The following FOXN1 variants were observed in gnomAD, a reference collection of about 807,000 sequenced individuals.
FOXN1 encodes the protein forkhead box protein N1.
Under a neutral mutation model 49.0 loss-of-function variants are expected in FOXN1, and 15 were observed. The ratio of observed to expected loss-of-function variants is 0.31; its 90% CI spans 0.20 to 0.47. The LOEUF (loss-of-function observed/expected upper bound fraction) is 0.47, where lower values mean the gene tolerates loss of function less well. Ranked by LOEUF, FOXN1 falls within the 20% of genes least tolerant of loss-of-function variation. The pLI, the probability that FOXN1 is intolerant of heterozygous loss-of-function variation, is 1.00. For synonymous variants in FOXN1, 356 were observed against 369.0 expected (o/e 0.96, Z 0.40); for missense variants, 800 against 842.8 (o/e 0.95, Z 0.63).
At chr17:28,507,707 G>A (rs1555606329) in intron 1 of FOXN1, among the ~76,000 whole-genome samples, 2 of 152,202 alleles carry the variant, frequency 1.3e-5, no homozygotes, top group Non-Finnish European at 2.9e-5. Flanking sequence ...CCTCGGATCC[G>A]AGGGCGGCGT....
At position 28,523,792 on chromosome 17, in the gene FOXN1, T is replaced by TTCTC. The variant is rs10527420; in HGVS notation, c.-14-127_-14-124dup. On this transcript the variant is annotated intron_variant, in intron 1 of 8. Transcript: ENST00000579795. ...TCTCTTTCTCTCTCTCGCTCTCTGG[T>TTCTC]TCTCTCTCTCTCTCTCTCTCTCTCT... 11,061 of 642,398 alleles carry TTCTC rather than the reference T, an allele frequency of 0.017. 63 individuals carry two copies. The highest frequency in any genetic ancestry group is 0.059 in the Admixed American group (2,422 of 41,366). The allele number at this position is 642,398 out of a possible 1,614,324, so 39.8% of individuals were successfully genotyped here. A position where few individuals can be genotyped will look rare whatever the true frequency, so the allele number is the denominator to read the frequency against.
At chr17:28,516,795 TCTCCACAGGGTACACAC>T (rs2069515666) in intron 1 of FOXN1, among the ~76,000 whole-genome samples, 2 of 23,322 alleles carry the variant, frequency 8.6e-5, no homozygotes, top group South Asian at 3.7e-3. Flanking sequence ...AGGGTACACA[TCTCCACAGGGTACACAC>T]CTCCACAGGA....
chr17:28,510,342 A>G (rs1161321122), intron 1 of FOXN1, among the ~76,000 whole-genome samples: 2 of 151,890 alleles, frequency 1.3e-5, no homozygotes, highest in Non-Finnish European at 2.9e-5. Flanking sequence ...ATACATGCAC[A>G]CACGCATACA....
intron 1 of FOXN1, among the ~76,000 whole-genome samples, chr17:28,523,541 C>T (rs2069685280): frequency 6.6e-6 from 1 of 152,184 alleles, no homozygotes; most frequent in African/African-American, 2.4e-5. Context: ...GAATGGAGAC[C>T]ACCTGCTGTG....
intron 1 of FOXN1, among the ~76,000 whole-genome samples, chr17:28,512,162 G>T (rs1249170716): frequency 6.6e-6 from 1 of 152,172 alleles, no homozygotes; most frequent in East Asian, 1.9e-4. Flanking sequence ...GTTGAGGAGG[G>T]ATGAAGGCAA....
chr17:28,508,437 C>G (rs1458895342), intron 1 of FOXN1, among the ~76,000 whole-genome samples: 1 of 152,234 alleles, frequency 6.6e-6, no homozygotes, highest in East Asian at 1.9e-4. Flanking sequence ...GAAAGCCTTC[C>G]TTTCCCCCCA....
chr17:28,510,237 C>G (rs1299231082), intron 1 of FOXN1, among the ~76,000 whole-genome samples: 1 of 152,150 alleles, frequency 6.6e-6, no homozygotes, highest in Non-Finnish European at 1.5e-5. Context: ...CAGGGCTCCC[C>G]CCACTGCCTC....
intron 1 of FOXN1, among the ~76,000 whole-genome samples, chr17:28,512,550 C>T (rs888522465): frequency 6.6e-6 from 1 of 152,204 alleles, no homozygotes; most frequent in East Asian, 1.9e-4. Context: ...GAGGCTGAGG[C>T]GAGAGCCTAG....
intron 1 of FOXN1, among the ~76,000 whole-genome samples, chr17:28,518,976 G>A (rs962077310): frequency 1.3e-5 from 2 of 152,148 alleles, no homozygotes; most frequent in East Asian, 1.9e-4. Context: ...TGTTTAAAAA[G>A]GCTCTGATTT....
intron 1 of FOXN1, among the ~76,000 whole-genome samples, chr17:28,509,424 C>A (rs2151472921): frequency 6.6e-6 from 1 of 152,290 alleles, no homozygotes; most frequent in Middle Eastern, 3.4e-3. Flanking sequence ...ATCCCCATCT[C>A]CACCTCCTGC....
rs146028232 is a variant in FOXN1 at position 28,537,410 on chromosome 17, A to G, written c.1921A>G (p.Ser641Gly). Residue 641 changes from serine (S) to glycine (G), a missense_variant, in exon 9 of 9, where the codon AGC (serine) becomes GGC (glycine). Physicochemically the swap from Ser to Gly is moderately conservative, Grantham distance 56. Transcript: ENST00000579795. Reference sequence around the variant, plus strand: ...AGGCCCCTCTGTGTACCTCAGCCCCAGCTCCAAGCCCGTGGCCCTGGCATG... The same window carrying G: ...AGGCCCCTCTGTGTACCTCAGCCCCGGCTCCAAGCCCGTGGCCCTGGCATG... ...PAGPSVYLSPSSKPVALA is the reference protein window; with the variant it reads ...PAGPSVYLSPGSKPVALA The G allele has an allele frequency of 9.3e-5, 150 of 1,612,934 alleles. No homozygotes were observed. Among genetic ancestry groups the G allele is most frequent in the Non-Finnish European group, 1.2e-4 (144 of 1,179,670 alleles).
intron 1 of FOXN1, among the ~76,000 whole-genome samples, chr17:28,506,761 G>C (rs1555606182): frequency 6.6e-6 from 1 of 152,208 alleles, no homozygotes; most frequent in East Asian, 1.9e-4. Context: ...CCCTGTGCTG[G>C]GAGGAAATGA....
In FOXN1 at chr17:28,529,799, C is replaced by T. The variant is rs141523857; in HGVS notation, c.830+575C>T. ...TGTCAGGCCCTACATGGGATCGGGTCATCAGCTAGTGTGAGCTGAGGGGAA... is the reference window on the plus strand; with the variant it reads ...TGTCAGGCCCTACATGGGATCGGGTTATCAGCTAGTGTGAGCTGAGGGGAA... On this transcript the variant is annotated intron_variant, in intron 5 of 8. Coordinates refer to ENST00000579795, the MANE Select transcript of FOXN1 (RefSeq NM_001369369.1). 6.5e-3 allele frequency among the ~76,000 whole-genome samples: 984 copies of T among 152,230 alleles called. 7 individuals are homozygous for T. Among genetic ancestry groups the T allele is most frequent in the Middle Eastern group, 0.034 (10 of 294 alleles).
At chr17:28,531,877 A>T (rs1245793952) in intron 6 of FOXN1, among the ~76,000 whole-genome samples, 1 of 152,132 alleles carries the variant, frequency 6.6e-6, no homozygotes, top group Non-Finnish European at 1.5e-5. Flanking sequence ...CTGCCATCAG[A>T]TGAGGAGTGG....
At chr17:28,532,148 C>T (rs1446251423) in intron 6 of FOXN1, among the ~76,000 whole-genome samples, 1 of 152,170 alleles carries the variant, frequency 6.6e-6, no homozygotes, top group South Asian at 2.1e-4. Flanking sequence ...CTTCCTTCCC[C>T]ACCAGCTCCC....
rs775927774 is a variant in FOXN1 at position 28,529,232 on chromosome 17, T to A, written c.830+8T>A. The A allele has an allele frequency of 6.2e-6, 10 of 1,614,026 alleles. No homozygotes were observed. Among genetic ancestry groups the A allele is most frequent in the Non-Finnish European group, 8.5e-6 (10 of 1,179,960 alleles). ...ACCCATCTATTCCTACAGGTACATT[T>A]CCCACTCTCCAGGGATGGGAGGAGG... On this transcript the variant is annotated splice_region_variant and intron_variant, in intron 5 of 8. Coordinates refer to ENST00000579795, the MANE Select transcript of FOXN1 (RefSeq NM_001369369.1).
At position 28,537,340 on chromosome 17, in the gene FOXN1, C is replaced by T; in HGVS notation, c.1851C>T (p.Tyr617=). The T allele has an allele frequency of 6.2e-7, 1 of 1,613,410 alleles. No homozygotes were observed. The highest frequency in any genetic ancestry group is 8.5e-7 in the Non-Finnish European group (1 of 1,179,656). ...ALGDLHLTTL[Y]SAFMELEPTP... ...GTGACCTGCACCTCACCACCCTCTACTCTGCCTTTATGGAGCTGGAGCCCA... is the reference window on the plus strand; with the variant it reads ...GTGACCTGCACCTCACCACCCTCTATTCTGCCTTTATGGAGCTGGAGCCCA... The change falls in exon 9 of 9, where the codon TAC becomes TAT. Residue 617 remains tyrosine, a synonymous_variant. Coordinates refer to ENST00000579795, the MANE Select transcript of FOXN1 (RefSeq NM_001369369.1).
intron 1 of FOXN1, among the ~76,000 whole-genome samples, chr17:28,518,033 A>ATACACACCTCCACAGGG (rs1567874121): frequency 1.6e-5 from 2 of 122,010 alleles, no homozygotes; most frequent in Admixed American, 8.0e-5. Flanking sequence ...CCTCCACAGG[A>ATACACACCTCCACAGGG]TACACACCTC....
Position 28,537,513 on chromosome 17 carries a change from T to C in FOXN1, c.*77T>C, listed in dbSNP as rs951042139. 4 of 1,183,984 alleles carry C rather than the reference T, an allele frequency of 3.4e-6. No homozygotes were observed. The African/African-American group carries it at 4.5e-5, about 13-fold the overall frequency. The allele number at this position is 1,183,984 out of a possible 1,614,324, so 73.3% of individuals were successfully genotyped here. A position where few individuals can be genotyped will look rare whatever the true frequency, so the allele number is the denominator to read the frequency against. On this transcript the variant is annotated 3_prime_UTR_variant, in exon 9 of 9. Transcript: ENST00000579795. ...CCGGCCGCCCACATCGGGCTCACCT[T>C]AAAGGTCAAGGAAGGAAAATACTAC...
Sources: gnomAD v4.1 joint callset for allele counts (sites outside exome capture counted in the v4.1 genomes callset) on GRCh38, gnomAD v4.1.1 for gene constraint, MANE v1.5 for transcripts, NCBI Gene and HGNC (gene_info 2026-07-23, HGNC 2026-07-21) for gene names.